Variants in FOXP1 observed in about 807,000 individuals in gnomAD.
FOXP1 encodes forkhead box P1, also known as forkhead box protein P1.
A neutral mutation model predicts 98.2 loss-of-function variants in FOXP1; 15 were observed. That is an observed-to-expected ratio of 0.15 (90% confidence interval 0.10 to 0.24). FOXP1 has a LOEUF of 0.24. FOXP1 is among the 10% of genes least tolerant of loss of function. FOXP1 has a pLI of 1.00. For missense variants in FOXP1, 633 were observed against 848.5 expected, an observed-to-expected ratio of 0.75 and a Z score of 3.15; for synonymous variants, 371 against 314.5, an observed-to-expected ratio of 1.18 and a Z score of -1.90.
intron 6 of FOXP1, among the ~76,000 whole-genome samples, chr3:71,135,269 A>G (rs2059766982): frequency 6.6e-6 from 1 of 151,794 alleles, no homozygotes. Context: ...AAAAAAAAAA[A>G]AAAAAAAAAG....
At chr3:71,080,911 C>A (rs992577835) in intron 7 of FOXP1, among the ~76,000 whole-genome samples, 4 of 152,178 alleles carry the variant, frequency 2.6e-5, no homozygotes, top group African/African-American at 9.7e-5. Context: ...CTCAATGAAC[C>A]CATTTCTCAA....
At chr3:71,287,844 TAAGGTTACC>T (rs1375771095) in intron 5 of FOXP1, among the ~76,000 whole-genome samples, 1 of 152,176 alleles carries the variant, frequency 6.6e-6, no homozygotes, top group Non-Finnish European at 1.5e-5. Flanking sequence ...ACTGTTTAAA[TAAGGTTACC>T]AATGAAATTT....
At chr3:71,035,431 G>A (rs1056251623) in intron 11 of FOXP1, among the ~76,000 whole-genome samples, 2 of 152,146 alleles carry the variant, frequency 1.3e-5, no homozygotes, top group African/African-American at 4.8e-5. Context: ...TATGGTTTCT[G>A]CTGCCACTAC....
intron 5 of FOXP1, 57 bp downstream of exon 5, chr3:71,299,763 C>G (rs897871207): frequency 1.3e-5 from 2 of 152,622 alleles, no homozygotes; most frequent in African/African-American, 4.8e-5. Flanking sequence ...ATTAAAATGC[C>G]TGGAAGGCAA....
In FOXP1 at chr3:71,072,662, T is replaced by A. The variant is rs140070503; in HGVS notation, c.283-18889A>T. Among the ~76,000 whole-genome samples the A allele has an allele frequency of 4.1e-4, 62 of 152,344 alleles. 1 individual carries two copies. In the East Asian group the frequency reaches 0.012, roughly 28 times the overall value. On this transcript the variant is annotated intron_variant, in intron 7 of 20. Transcript: ENST00000649528. ...TTTTTTTGTGCTTGTGACTTTTTCA[T>A]CCTCTTCCTTAACCACTTTGGTTCT... is the stretch of plus-strand genomic sequence containing the variant.
intron 5 of FOXP1, among the ~76,000 whole-genome samples, chr3:71,199,628 T>C (rs926307611): frequency 2.0e-5 from 3 of 151,714 alleles, no homozygotes; most frequent in Non-Finnish European, 4.4e-5. Flanking sequence ...TAATCCCAGC[T>C]ACTCGGGAAG....
At chr3:71,543,333 C>T (rs1222909050) in intron 2 of FOXP1, 3 of 152,158 alleles carry the variant, frequency 2.0e-5, no homozygotes, top group Non-Finnish European at 4.4e-5. Context: ...CTGCTGTCAG[C>T]CAAATTGTAC....
At chr3:71,259,598 A>G (rs759104027) in intron 5 of FOXP1, among the ~76,000 whole-genome samples, 3 of 152,188 alleles carry the variant, frequency 2.0e-5, no homozygotes, top group Non-Finnish European at 1.5e-5. Flanking sequence ...GACGACCCCA[A>G]TCGACTGATT....
At chr3:71,496,008 T>C (rs1489285304) in intron 2 of FOXP1, among the ~76,000 whole-genome samples, 1 of 152,178 alleles carries the variant, frequency 6.6e-6, no homozygotes, top group Non-Finnish European at 1.5e-5. Context: ...CTCCAATTAC[T>C]GCCACATGGG....
intron 6 of FOXP1, among the ~76,000 whole-genome samples, chr3:71,176,345 T>G (rs1274791358): frequency 1.3e-5 from 2 of 152,126 alleles, no homozygotes; most frequent in Non-Finnish European, 2.9e-5. Flanking sequence ...CAACCACCAC[T>G]ACTTACTTGC....
chr3:71,572,634 T>C (rs1420651560), intron 2 of FOXP1: 2 of 152,124 alleles, frequency 1.3e-5, no homozygotes, highest in African/African-American at 4.8e-5. Context: ...ATATTAAAAA[T>C]ATGAAGAACT....
At position 71,245,809 on chromosome 3, in the gene FOXP1, A is replaced by C. The variant is rs558176606; in HGVS notation, c.-11-47417T>G. ...ACCTCCTCCAATCACCACCCCCCCC[A>C]CCCACAAATAAACAAAAAGCATAAA... is the stretch of plus-strand genomic sequence containing the variant. On this transcript the variant is annotated intron_variant, in intron 5 of 20. Transcript: ENST00000649528. 9.4e-3 allele frequency among the ~76,000 whole-genome samples: 1,104 copies of C among 117,030 alleles called. 5 individuals carry two copies. The highest frequency in any genetic ancestry group is 0.014 in the Non-Finnish European group (790 of 55,140). 76.8% of individuals were successfully genotyped at this position (117,030 alleles called of 152,430 possible). A position where few individuals can be genotyped will look rare whatever the true frequency, so the allele number is the denominator to read the frequency against.
At chr3:71,038,883 C>G (rs2047962610) in intron 11 of FOXP1, among the ~76,000 whole-genome samples, 1 of 152,082 alleles carries the variant, frequency 6.6e-6, no homozygotes, top group Non-Finnish European at 1.5e-5. Flanking sequence ...CCAGGCTAGT[C>G]TTGAACTCCT....
At chr3:71,062,791 T>C (rs2051723573) in intron 7 of FOXP1, among the ~76,000 whole-genome samples, 1 of 152,220 alleles carries the variant, frequency 6.6e-6, no homozygotes, top group African/African-American at 2.4e-5. Flanking sequence ...ATAAAGCCCA[T>C]TACTTTCCTT....
chr3:71,469,387 C>T (rs972044420), intron 3 of FOXP1, among the ~76,000 whole-genome samples: 1 of 152,158 alleles, frequency 6.6e-6, no homozygotes, highest in Non-Finnish European at 1.5e-5. Context: ...TTATTTAAAA[C>T]ACACAGGACC....
Position 71,177,873 on chromosome 3 carries a change from G to A in FOXP1, c.180+20329C>T, listed in dbSNP as rs187927277. Among the ~76,000 whole-genome samples, 526 of 120,030 alleles carry A rather than the reference G, an allele frequency of 4.4e-3. 3 individuals carry two copies. The highest frequency in any genetic ancestry group is 0.017 in the African/African-American group (501 of 29,780). The allele number at this position is 120,030 out of a possible 152,430, so 78.7% of individuals were successfully genotyped here. ...TTTTTTTTTTTTGAGAAAGGGTCTC[G>A]CTCTGTTGCCCAAGCTGGAGGGCAG... On this transcript the variant is annotated intron_variant, in intron 6 of 20. Coordinates refer to ENST00000649528, the MANE Select transcript of FOXP1 (RefSeq NM_001349338.3).
rs1231296811 is a variant in FOXP1, at chr3:70,956,404, A to G, written c.*2843T>C. The G allele has an allele frequency of 4.4e-6, 1 of 229,474 alleles. No individual in the cohort carries two copies. The highest frequency in any genetic ancestry group is 8.6e-6 in the Non-Finnish European group (1 of 116,462). The allele number at this position is 229,474 out of a possible 1,614,324, so 14.2% of individuals were successfully genotyped here. A position where few individuals can be genotyped will look rare whatever the true frequency, so the allele number is the denominator to read the frequency against. ...TGTGATACCTGCAAAGATATGTAAA[A>G]TCTAATTTTTCTTTTTTTTTTTTTT... On this transcript the variant is annotated 3_prime_UTR_variant, in exon 21 of 21. Coordinates refer to ENST00000649528, the MANE Select transcript of FOXP1 (RefSeq NM_001349338.3).
At chr3:71,534,656 G>A (rs1388166215) in intron 2 of FOXP1, among the ~76,000 whole-genome samples, 4 of 152,150 alleles carry the variant, frequency 2.6e-5, no homozygotes, top group Non-Finnish European at 5.9e-5. Flanking sequence ...CTAGAAGATG[G>A]GACAGAGCCA....
intron 5 of FOXP1, among the ~76,000 whole-genome samples, chr3:71,286,299 G>A (rs1225250979): frequency 6.6e-6 from 1 of 151,428 alleles, no homozygotes; most frequent in East Asian, 1.9e-4. Context: ...ACCATGTAGA[G>A]TGTCCCCCGC....
Sources: allele counts gnomAD v4.1 joint callset (sites outside exome capture counted in the v4.1 genomes callset), GRCh38; gene constraint gnomAD v4.1.1; transcripts MANE v1.5; gene names NCBI Gene and HGNC (gene_info 2026-07-23, HGNC 2026-07-21).